Variants in PRRG4 observed in about 807,000 individuals in gnomAD.
PRRG4 encodes the protein proline rich and Gla domain 4, also known as transmembrane gamma-carboxyglutamic acid protein 4.
In PRRG4, 12 loss-of-function variants were observed where a neutral mutation model predicts 20.0. The ratio of observed to expected loss-of-function variants is 0.60; its 90% CI spans 0.38 to 0.97. The LOEUF is 0.97. Among genes scored for constraint, PRRG4 ranks in the 50% least tolerant of loss-of-function variants. The probability of loss-of-function intolerance (pLI) is 0.00; values close to 1 mark genes in which losing one functional copy is unlikely to be tolerated. For missense variants in PRRG4, 199 were observed against 265.1 expected, an observed-to-expected ratio of 0.75 and a Z score of 1.73; for synonymous variants, 94 against 96.4, an observed-to-expected ratio of 0.98 and a Z score of 0.15.
intron 2 of PRRG4, among the ~76,000 whole-genome samples, chr11:32,831,187 G>C (rs1041664155): frequency 6.6e-6 from 1 of 152,132 alleles, no homozygotes; most frequent in Non-Finnish European, 1.5e-5. Flanking sequence ...TGCTAACCTG[G>C]AAGTCCACAG....
intron 2 of PRRG4, 90 bp downstream of exon 2, chr11:32,830,722 A>G: frequency 6.3e-7 from 1 of 1,581,270 alleles, no homozygotes; most frequent in Non-Finnish European, 8.6e-7. Context: ...ACCCCCAGCA[A>G]TCATAGAAAC....
intron 2 of PRRG4, among the ~76,000 whole-genome samples, chr11:32,835,619 A>T (rs2133439149): frequency 6.6e-6 from 1 of 152,274 alleles, no homozygotes; most frequent in African/African-American, 2.4e-5. Flanking sequence ...ATGTAAAGGG[A>T]ACCTTATAAA....
intron 5 of PRRG4, among the ~76,000 whole-genome samples, chr11:32,847,678 C>CA (rs949774409): frequency 6.6e-6 from 1 of 152,114 alleles, no homozygotes; most frequent in African/African-American, 2.4e-5. Flanking sequence ...AACAGGAACT[C>CA]AAACAGATAC....
chr11:32,832,651 T>G lies in PRRG4; in HGVS notation c.103+2019T>G, dbSNP rs141538531. Among the ~76,000 whole-genome samples the G allele has an allele frequency of 3.6e-3, 541 of 152,102 alleles. 6 individuals are homozygous for G. Among genetic ancestry groups the G allele is most frequent in the African/African-American group, 0.013 (522 of 41,502 alleles). On this transcript the variant is annotated intron_variant, in intron 2 of 5. Coordinates refer to ENST00000257836, the MANE Select transcript of PRRG4 (RefSeq NM_024081.6). ...GCGCACCACTGTCCCAGCTAATTTA[T>G]TTTGTATTTTTAGTAGAGACGGGGT... is the stretch of plus-strand genomic sequence containing the variant.
intron 5 of PRRG4, among the ~76,000 whole-genome samples, chr11:32,842,468 C>A (rs574932279): frequency 6.6e-6 from 1 of 152,232 alleles, no homozygotes. Flanking sequence ...CACCTGTAAT[C>A]CCAGCATTTT....
chr11:32,841,955 CAG>C (rs1565115382), intron 5 of PRRG4, among the ~76,000 whole-genome samples: 1 of 152,124 alleles, frequency 6.6e-6, no homozygotes, highest in African/African-American at 2.4e-5. Context: ...CAGTAAAAAA[CAG>C]AAGATAATTA....
chr11:32,853,938 A>C lies in PRRG4; in HGVS notation c.*411A>C, dbSNP rs1472759234. ...AGAAGAAGAAGAAGAAGAAGACCAC[A>C]AAAGACATGACTATCCAACTTTTTA... On this transcript the variant is annotated 3_prime_UTR_variant, in exon 6 of 6. Transcript: ENST00000257836. The C allele has an allele frequency of 5.4e-6, 1 of 185,368 alleles. No individual in the cohort carries two copies. The highest frequency in any genetic ancestry group is 1.1e-5 in the Non-Finnish European group (1 of 87,512). 11.5% of individuals were successfully genotyped at this position (185,368 alleles called of 1,614,324 possible).
rs1282802036 is a variant in PRRG4 at position 32,840,642 on chromosome 11, A to T, written c.449+403A>T. Among the ~76,000 whole-genome samples, 1 of 152,222 alleles carries T rather than the reference A, an allele frequency of 6.6e-6. No individual in the cohort carries two copies. Among genetic ancestry groups the T allele is most frequent in the Non-Finnish European group, 1.5e-5 (1 of 68,046 alleles). On this transcript the variant is annotated intron_variant, in intron 5 of 5. Coordinates refer to ENST00000257836, the MANE Select transcript of PRRG4 (RefSeq NM_024081.6). This position sits in a 1 kb window ranked among gnomAD's most constrained non-coding sequence, Gnocchi z 4.1. ...TCTGGTCTCCTAATTTAACATTTAC[A>T]TAAACAACCTAATGATGCTATTTCT...
Position 32,836,758 on chromosome 11 carries a change from G to A in PRRG4, c.204G>A (p.Glu68=), listed in dbSNP as rs756096978. ...TCACTCCCGGCAACCTAGAAAGAGAGTGCAATGAAGAACTTTGCAATTATG... is the reference window on the plus strand; with the variant it reads ...TCACTCCCGGCAACCTAGAAAGAGAATGCAATGAAGAACTTTGCAATTATG... ...ELFTPGNLER[E]CNEELCNYEE... is the part of the protein sequence containing the mutation. Residue 68 remains glutamate (E), a synonymous_variant, in exon 3 of 6, where the codon GAG becomes GAA. Coordinates refer to ENST00000257836, the MANE Select transcript of PRRG4 (RefSeq NM_024081.6). 1 of 1,613,096 alleles carries A rather than the reference G, an allele frequency of 6.2e-7. No individual in the cohort carries two copies. The highest frequency in any genetic ancestry group is 1.7e-5 in the Admixed American group (1 of 60,018).
In PRRG4 at chr11:32,856,854, A is replaced by G. The variant is rs1184049911; in HGVS notation, c.*3327A>G. 6.6e-6 allele frequency: 1 copy of G among 152,154 alleles called. No homozygotes were observed. The highest frequency in any genetic ancestry group is 1.9e-4 in the East Asian group (1 of 5,192). The allele number at this position is 152,154 out of a possible 1,614,324, so 9.4% of individuals were successfully genotyped here. On this transcript the variant is annotated 3_prime_UTR_variant, in exon 6 of 6. Transcript: ENST00000257836. ...GTATTTTTATTTTTAATTTTTTGAG[A>G]CAAGGTCTTGCTCTGCTACCCAGGC...
intron 5 of PRRG4, among the ~76,000 whole-genome samples, chr11:32,848,017 T>C (rs1455057174): frequency 6.6e-6 from 1 of 152,164 alleles, no homozygotes; most frequent in Non-Finnish European, 1.5e-5. Flanking sequence ...TCTTAGTTTA[T>C]TTGTGCTGCT....
intron 2 of PRRG4, among the ~76,000 whole-genome samples, chr11:32,832,780 G>A (rs1850986122): frequency 6.6e-6 from 1 of 152,152 alleles, no homozygotes; most frequent in Admixed American, 6.5e-5. Flanking sequence ...ACCGCGCCTG[G>A]CCCTAAAATC....
At position 32,840,833 on chromosome 11, in the gene PRRG4, C is replaced by T. The variant is rs188519104; in HGVS notation, c.449+594C>T. Reference sequence around the variant, plus strand: ...GAGTTAACAGATCCACATGGCTACCCAAATAGAAACAGTGTAACTGGCTTT... The same window carrying T: ...GAGTTAACAGATCCACATGGCTACCTAAATAGAAACAGTGTAACTGGCTTT... On this transcript the variant is annotated intron_variant, in intron 5 of 5. Coordinates refer to ENST00000257836, the MANE Select transcript of PRRG4 (RefSeq NM_024081.6). The surrounding 1 kb of genome is among the most constrained non-coding windows in gnomAD (Gnocchi z 4.1). Among the ~76,000 whole-genome samples, 4 of 152,208 alleles carry T rather than the reference C, an allele frequency of 2.6e-5. No homozygotes were observed. The East Asian group carries it at 7.7e-4, about 29-fold the overall frequency.
intron 5 of PRRG4, among the ~76,000 whole-genome samples, chr11:32,846,393 T>C (rs937207002): frequency 6.6e-6 from 1 of 152,196 alleles, no homozygotes; most frequent in African/African-American, 2.4e-5. Flanking sequence ...GCCACGAATT[T>C]ACATTTGAGT....
chr11:32,833,243 G>T (rs1184937565), intron 2 of PRRG4, among the ~76,000 whole-genome samples: 1 of 152,172 alleles, frequency 6.6e-6, no homozygotes, highest in African/African-American at 2.4e-5. Context: ...GCCCCTGGAA[G>T]GCGGATTTAA....
At chr11:32,832,773 G>A (rs1193846236) in intron 2 of PRRG4, among the ~76,000 whole-genome samples, 1 of 152,172 alleles carries the variant, frequency 6.6e-6, no homozygotes, top group Non-Finnish European at 1.5e-5. Context: ...GTGAGCTACC[G>A]CGCCTGGCCC....
In PRRG4 at chr11:32,857,491, A is replaced by G. The variant is rs1056265107; in HGVS notation, c.*3964A>G. Reference sequence around the variant, plus strand: ...TTTAATGCCCTCTGAACAAATACATAGAGAAAACTCTCAGAACAATTAAAA... The same window carrying G: ...TTTAATGCCCTCTGAACAAATACATGGAGAAAACTCTCAGAACAATTAAAA... On this transcript the variant is annotated 3_prime_UTR_variant, in exon 6 of 6. Transcript: ENST00000257836. The G allele has an allele frequency of 2.0e-5, 3 of 152,236 alleles. No individual in the cohort carries two copies. The highest frequency in any genetic ancestry group is 2.9e-5 in the Non-Finnish European group (2 of 68,044). 9.4% of individuals were successfully genotyped at this position (152,236 alleles called of 1,614,324 possible).
intron 5 of PRRG4, among the ~76,000 whole-genome samples, chr11:32,846,652 G>C (rs555486738): frequency 6.9e-6 from 1 of 144,410 alleles, no homozygotes; most frequent in South Asian, 2.2e-4. Flanking sequence ...GTGAGGTAAT[G>C]AGTTTGAACC....
rs1851241354 is a variant in PRRG4 at position 32,857,899 on chromosome 11, T to C, written c.*4372T>C. On this transcript the variant is annotated 3_prime_UTR_variant, in exon 6 of 6. Transcript: ENST00000257836. Reference sequence around the variant, plus strand: ...TACCTTCATTCTTCTATATTTTGTGTCTCCTCCAACCTCCAACTTTTTTTG... The same window carrying C: ...TACCTTCATTCTTCTATATTTTGTGCCTCCTCCAACCTCCAACTTTTTTTG... 6.6e-6 allele frequency: 1 copy of C among 152,214 alleles called. No individual in the cohort carries two copies. The highest frequency in any genetic ancestry group is 2.4e-5 in the African/African-American group (1 of 41,452). The allele number at this position is 152,214 out of a possible 1,614,324, so 9.4% of individuals were successfully genotyped here. A position where few individuals can be genotyped will look rare whatever the true frequency, so the allele number is the denominator to read the frequency against.
Sources: gnomAD v4.1 joint callset for allele counts (sites outside exome capture counted in the v4.1 genomes callset) on GRCh38, gnomAD v4.1.1 for gene constraint, Gnocchi (gnomAD v3.1) non-coding constraint, MANE v1.5 for transcripts, NCBI Gene and HGNC (gene_info 2026-07-23, HGNC 2026-07-21) for gene names.